SORCS1: variants seen among roughly 807,000 people sequenced by gnomAD.
SORCS1 encodes VPS10 domain-containing receptor SorCS1.
SORCS1 carries 60 observed loss-of-function variants against 146.1 expected under a neutral mutation model. The observed-to-expected ratio is 0.41, with a 90% CI of 0.33 to 0.51. The LOEUF (loss-of-function observed/expected upper bound fraction) is 0.51. SORCS1 is among the 20% of genes least tolerant of loss of function. The pLI, the probability that SORCS1 is intolerant of heterozygous loss-of-function variation, is 0.21. For missense variants in SORCS1, 1,352 were observed against 1,487.6 expected, an observed-to-expected ratio of 0.91 and a Z score of 1.50; for synonymous variants, 637 against 584.0, an observed-to-expected ratio of 1.09 and a Z score of -1.31.
Position 106,709,350 on chromosome 10 carries a change from CA to C in SORCS1, c.1025-10del, listed in dbSNP as rs770243963. On this transcript the variant is annotated splice_polypyrimidine_tract_variant and intron_variant, in intron 6 of 25. Transcript: ENST00000263054. ...AGTTAGATAATGTGAATCTGAAAAA[CA>C]AAAACAAAAACAAAAACATGGGGTT... is the stretch of plus-strand genomic sequence containing the variant. 5 of 1,520,642 alleles carry C rather than the reference CA, an allele frequency of 3.3e-6. No homozygotes were observed. The highest frequency in any genetic ancestry group is 4.6e-5 in the East Asian group (2 of 43,788). 94.2% of individuals were successfully genotyped at this position (1,520,642 alleles called of 1,614,324 possible).
intron 10 of SORCS1, among the ~76,000 whole-genome samples, chr10:106,685,434 T>TTC (rs1852758081): frequency 6.6e-6 from 1 of 152,088 alleles, no homozygotes; most frequent in African/African-American, 2.4e-5. Flanking sequence ...ACCTGCTCAT[T>TTC]TCAGATAACA....
In SORCS1 at chr10:106,577,057, T is replaced by C; in HGVS notation, c.*363A>G. 3 of 457,448 alleles carry C rather than the reference T, an allele frequency of 6.6e-6. No homozygotes were observed. The highest frequency in any genetic ancestry group is 1.1e-5 in the Non-Finnish European group (3 of 271,366). The allele number at this position is 457,448 out of a possible 1,614,324, so 28.3% of individuals were successfully genotyped here. A position where few individuals can be genotyped will look rare whatever the true frequency, so the allele number is the denominator to read the frequency against. The stretch of plus-strand genomic sequence containing the variant: ...CCCCTCCAGACATGTTCTCAGAGTA[T>C]TGTCCACATGCACAGGCTTAAAGCT... On this transcript the variant is annotated 3_prime_UTR_variant, in exon 26 of 26. Coordinates refer to ENST00000263054, the MANE Select transcript of SORCS1 (RefSeq NM_052918.5).
chr10:106,604,494 T>C (rs1220587117), intron 23 of SORCS1, among the ~76,000 whole-genome samples: 1 of 152,204 alleles, frequency 6.6e-6, no homozygotes, highest in African/African-American at 2.4e-5. Flanking sequence ...GTTTGGCATT[T>C]GTAAAGTCAC....
intron 1 of SORCS1, among the ~76,000 whole-genome samples, chr10:107,128,153 T>C (rs1191703007): frequency 2.0e-5 from 3 of 152,220 alleles, no homozygotes; most frequent in Non-Finnish European, 2.9e-5. Context: ...ACAAATTCCA[T>C]AGCACTTCCA....
intron 1 of SORCS1, among the ~76,000 whole-genome samples, chr10:107,016,571 AT>A (rs1957907749): frequency 6.6e-6 from 1 of 152,316 alleles, no homozygotes; most frequent in African/African-American, 2.4e-5. Context: ...ACACAATGAG[AT>A]TTCTAGAAGA....
chr10:106,643,761 T>G (rs1015587780), intron 18 of SORCS1, among the ~76,000 whole-genome samples: 1 of 152,244 alleles, frequency 6.6e-6, no homozygotes, highest in Admixed American at 6.5e-5. Flanking sequence ...GTGAGATGCC[T>G]GATGATGATC....
intron 25 of SORCS1, 26 bp downstream of exon 25, chr10:106,579,343 G>A (rs756157639): frequency 6.2e-7 from 1 of 1,613,998 alleles, no homozygotes; most frequent in South Asian, 1.1e-5. Context: ...TCAGGGGTGG[G>A]GGAACGTGGA....
chr10:106,818,415 G>A (rs985528140), intron 3 of SORCS1, among the ~76,000 whole-genome samples: 6 of 151,306 alleles, frequency 4.0e-5, no homozygotes, highest in African/African-American at 1.5e-4. Context: ...CACCAGGCTG[G>A]AGTGCAGTGG....
At chr10:107,163,933 T>C in intron 1 of SORCS1, 36 bp downstream of exon 1, 1 of 1,581,680 alleles carries the variant, frequency 6.3e-7, no homozygotes, top group Non-Finnish European at 8.6e-7. Context: ...CCTTTCCATC[T>C]TTCCACCCCT....
chr10:106,650,674 G>A (rs901600051), intron 18 of SORCS1, among the ~76,000 whole-genome samples: 12 of 152,068 alleles, frequency 7.9e-5, no homozygotes, highest in East Asian at 1.9e-4. Flanking sequence ...CTTTCTACTC[G>A]GCCTTTTACT....
At chr10:106,694,095 A>G (rs1412726922) in intron 9 of SORCS1, among the ~76,000 whole-genome samples, 1 of 152,186 alleles carries the variant, frequency 6.6e-6, no homozygotes, top group Non-Finnish European at 1.5e-5. Flanking sequence ...AGAGGACAAC[A>G]GGAAGGATAA....
At position 106,671,411 on chromosome 10, in the gene SORCS1, G is replaced by A. The variant is rs776078212; in HGVS notation, c.2059-44C>T. 124 of 1,611,020 alleles carry A rather than the reference G, an allele frequency of 7.7e-5. No individual in the cohort carries two copies. In the Admixed American group the frequency reaches 1.1e-3, roughly 14 times the overall value. ...CACAGATACTTGGGCACATAGCTTG[G>A]ACTTTCTCTGCTCCACATGAGTGAC... On this transcript the variant is annotated intron_variant, in intron 15 of 25. Transcript: ENST00000263054.
At chr10:106,799,077 A>G (rs2136618444) in intron 3 of SORCS1, among the ~76,000 whole-genome samples, 1 of 152,356 alleles carries the variant, frequency 6.6e-6, no homozygotes, top group African/African-American at 2.4e-5. Flanking sequence ...ATAATGCCAC[A>G]CATCCACAAC....
intron 1 of SORCS1, among the ~76,000 whole-genome samples, chr10:107,107,469 G>A (rs575030202): frequency 3.2e-4 from 49 of 152,288 alleles, no homozygotes; most frequent in African/African-American, 9.4e-4. Flanking sequence ...CAAGGCAATC[G>A]GATACTAGGC....
At chr10:106,684,415 C>T (rs757967512) in intron 10 of SORCS1, among the ~76,000 whole-genome samples, 25 of 152,158 alleles carry the variant, frequency 1.6e-4, no homozygotes, top group Non-Finnish European at 2.9e-4. Flanking sequence ...ACTGTGCTTT[C>T]CCTAAGGGCC....
intron 3 of SORCS1, among the ~76,000 whole-genome samples, chr10:106,814,138 C>A (rs2136832868): frequency 6.6e-6 from 1 of 152,306 alleles, no homozygotes; most frequent in South Asian, 2.1e-4. Flanking sequence ...ATGTAGAATC[C>A]TTTTCAGACT....
At chr10:107,159,983 G>T (rs1399193724) in intron 1 of SORCS1, among the ~76,000 whole-genome samples, 1 of 152,172 alleles carries the variant, frequency 6.6e-6, no homozygotes, top group African/African-American at 2.4e-5. Flanking sequence ...ATGATCGCAG[G>T]TTACCTCTTG....
intron 21 of SORCS1, among the ~76,000 whole-genome samples, chr10:106,616,377 C>T (rs1174862892): frequency 1.3e-5 from 2 of 152,078 alleles, no homozygotes; most frequent in African/African-American, 2.4e-5. Flanking sequence ...GTGCATGGGC[C>T]CTGAGTCTAG....
At chr10:107,157,152 A>C (rs1255095677) in intron 1 of SORCS1, among the ~76,000 whole-genome samples, 1 of 152,262 alleles carries the variant, frequency 6.6e-6, no homozygotes, top group East Asian at 1.9e-4. Context: ...GACAAACTAC[A>C]AGGCTAGGGT....
Sources: gnomAD v4.1 joint callset for allele counts (sites outside exome capture counted in the v4.1 genomes callset) on GRCh38, gnomAD v4.1.1 for gene constraint, MANE v1.5 for transcripts, NCBI Gene and HGNC (gene_info 2026-07-23, HGNC 2026-07-21) for gene names.